CHAF1A: variants seen among roughly 807,000 people sequenced by gnomAD.
CHAF1A encodes chromatin assembly factor 1 subunit A.
In CHAF1A, 5 loss-of-function variants were observed where a neutral mutation model predicts 93.2. The observed-to-expected ratio is 0.05, with a 90% CI of 0.03 to 0.11. The LOEUF (loss-of-function observed/expected upper bound fraction) is 0.11, where lower values mean the gene tolerates loss of function less well. CHAF1A is among the 10% of genes least tolerant of loss of function. The pLI, the probability that CHAF1A is intolerant of heterozygous loss-of-function variation, is 1.00. For missense variants in CHAF1A, 1,102 were observed against 1,259.9 expected, an observed-to-expected ratio of 0.87 and a Z score of 1.90; for synonymous variants, 504 against 510.3, an observed-to-expected ratio of 0.99 and a Z score of 0.17.
chr19:4,448,492 G>A (rs2145176233), downstream of CHAF1A: 3 of 1,221,528 alleles, frequency 2.5e-6, no homozygotes, highest in Non-Finnish European at 3.5e-6. Flanking sequence ...GGTAACAGGG[G>A]CAGGAAAAGG....
chr19:4,438,971 G>A (rs1426623923), intron 13 of CHAF1A, among the ~76,000 whole-genome samples: 1 of 151,530 alleles, frequency 6.6e-6, no homozygotes, highest in East Asian at 1.9e-4. Context: ...AACAGAGCGG[G>A]ATTCTGTCTC....
Position 4,432,196 on chromosome 19 carries a change from G to C in CHAF1A, c.2192G>C (p.Arg731Thr), listed in dbSNP as rs139131679. The change falls in exon 12 of 15, where the codon AGA becomes ACA. Residue 731 changes from arginine (R) to threonine (T), a missense_variant. Arg to Thr is a moderately conservative substitution (Grantham distance 71, BLOSUM62 -1). Transcript: ENST00000301280. The part of the protein sequence containing the change: ...QTPKASKRER[R>T]DEQILAQLLP... ...CCCAAGGCCTCCAAGCGGGAGAGGA[G>C]AGACGAGCAGAGTGAGTGTGGGCGG... is the stretch of plus-strand genomic sequence containing the variant. The C allele has an allele frequency of 3.5e-5, 56 of 1,605,174 alleles. No individual in the cohort carries two copies. The highest frequency in any genetic ancestry group is 4.5e-5 in the Non-Finnish European group (53 of 1,175,414).
downstream of CHAF1A, chr19:4,447,361 C>T (rs945609714): frequency 1.5e-5 from 9 of 615,344 alleles, no homozygotes; most frequent in African/African-American, 7.3e-5. Context: ...TTGGGGTGAC[C>T]GGTGCATAAA....
chr19:4,409,417 C>T lies in CHAF1A; in HGVS notation c.618C>T (p.Ser206=). ...ACTCCCAGGAATGTTCGCCACGGAG[C>T]TGCCCGGAGCTGACGAGTGGCCCGA... ...RGDSQECSPR[S]CPELTSGPRM... is the part of the protein sequence containing the mutation. Residue 206 remains serine (S), a synonymous_variant, in exon 3 of 15, where the codon AGC becomes AGT. Transcript: ENST00000301280. 1 of 1,614,128 alleles carries T rather than the reference C, an allele frequency of 6.2e-7. No homozygotes were observed. The highest frequency in any genetic ancestry group is 1.3e-5 in the African/African-American group (1 of 75,036).
At chr19:4,408,338 G>A (rs243344) in intron 2 of CHAF1A, among the ~76,000 whole-genome samples, 14 of 151,382 alleles carry the variant, frequency 9.2e-5, no homozygotes, top group African/African-American at 2.2e-4. Context: ...GAATGCAGGC[G>A]CCCGCCACCT....
chr19:4,442,157 C>G lies in CHAF1A; in HGVS notation c.2674-88C>G. 3 of 1,048,022 alleles carry G rather than the reference C, an allele frequency of 2.9e-6. 1 individual carries two copies. Among genetic ancestry groups the G allele is most frequent in the Non-Finnish European group, 4.4e-6 (3 of 675,704 alleles). The allele number at this position is 1,048,022 out of a possible 1,614,324, so 64.9% of individuals were successfully genotyped here. A position where few individuals can be genotyped will look rare whatever the true frequency, so the allele number is the denominator to read the frequency against. On this transcript the variant is annotated intron_variant, in intron 13 of 14. Coordinates refer to ENST00000301280, the MANE Select transcript of CHAF1A (RefSeq NM_005483.3). ...CGTGTTGGGGGTGGGAGGAAGGTGT[C>G]ACACCTGTGGAGTTCCCCCCGCTAC...
chr19:4,406,919 T>C (rs1020474216), intron 2 of CHAF1A, among the ~76,000 whole-genome samples: 2 of 152,022 alleles, frequency 1.3e-5, no homozygotes, highest in African/African-American at 4.8e-5. Flanking sequence ...AGGAAGACTC[T>C]GTCTCTTGAA....
chr19:4,438,746 G>T (rs1974332930), intron 13 of CHAF1A, among the ~76,000 whole-genome samples: 1 of 152,144 alleles, frequency 6.6e-6, no homozygotes, highest in Non-Finnish European at 1.5e-5. Context: ...CACTTTGGGA[G>T]GCCGAGGTGG....
At chr19:4,445,360 A>G (rs898352601), downstream of CHAF1A, 5 of 1,429,576 alleles carry the variant, frequency 3.5e-6, no homozygotes. Context: ...CCACAGCTCC[A>G]CGGCTGGCGC....
chr19:4,422,224 G>A lies in CHAF1A; in HGVS notation c.1018-342G>A, dbSNP rs1349189347. Among the ~76,000 whole-genome samples the A allele has an allele frequency of 2.3e-4, 35 of 152,058 alleles. No individual in the cohort carries two copies. The highest frequency in any genetic ancestry group is 2.3e-3 in the Admixed American group (35 of 15,250). Reference sequence around the variant, plus strand: ...AGATGGGGTTTCACCATCTTGGCCAGGCTGGTCTCGAACTCCTGACCTCAG... The same window carrying A: ...AGATGGGGTTTCACCATCTTGGCCAAGCTGGTCTCGAACTCCTGACCTCAG... On this transcript the variant is annotated intron_variant, in intron 4 of 14. Transcript: ENST00000301280. This position sits in a 1 kb window ranked among gnomAD's most constrained non-coding sequence, Gnocchi z 4.6.
Position 4,407,495 on chromosome 19 carries a change from A to G in CHAF1A, c.104-1408A>G, listed in dbSNP as rs577353474. On this transcript the variant is annotated intron_variant, in intron 2 of 14. Transcript: ENST00000301280. ...AAAAACCCTGTCCACAAATGTGTCT[A>G]TATTTTCTACTTGAGAACCAGATGC... Among the ~76,000 whole-genome samples, 12 of 152,132 alleles carry G rather than the reference A, an allele frequency of 7.9e-5. No homozygotes were observed. In the South Asian group the frequency reaches 1.0e-3, roughly 13 times the overall value.
chr19:4,423,929 T>G, intron 7 of CHAF1A, 55 bp downstream of exon 7: 1 of 1,539,236 alleles, frequency 6.5e-7, no homozygotes. Context: ...ACTTTTCCTT[T>G]CTGAAAGTGA....
At chr19:4,436,000 A>G (rs1043524050) in intron 13 of CHAF1A, among the ~76,000 whole-genome samples, 2 of 152,090 alleles carry the variant, frequency 1.3e-5, no homozygotes, top group Non-Finnish European at 1.5e-5. Flanking sequence ...TTAGCTGGGC[A>G]TGGTGGCAGG....
chr19:4,417,772 C>T (rs2145093316), intron 3 of CHAF1A, among the ~76,000 whole-genome samples: 1 of 152,134 alleles, frequency 6.6e-6, no homozygotes, highest in Admixed American at 6.5e-5. Context: ...TGTCTGTTGC[C>T]TTTATTTCTG....
chr19:4,418,409 C>CTTTT (rs10549561), intron 4 of CHAF1A, among the ~76,000 whole-genome samples: 7 of 107,080 alleles, frequency 6.5e-5, no homozygotes, highest in East Asian at 2.9e-4. Context: ...AGTCCTGTCT[C>CTTTT]TTTTTTTTTT....
chr19:4,434,749 G>C (rs940021621), intron 13 of CHAF1A, among the ~76,000 whole-genome samples: 1 of 152,066 alleles, frequency 6.6e-6, no homozygotes, highest in African/African-American at 2.4e-5. Flanking sequence ...TTCAAGCACA[G>C]TTATTAAGCA....
downstream of CHAF1A, chr19:4,446,020 C>T: frequency 6.3e-7 from 1 of 1,591,162 alleles, no homozygotes; most frequent in Non-Finnish European, 8.6e-7. Context: ...GGCATCGGGT[C>T]AGCGGTGCTC....
chr19:4,416,919 C>A (rs550113416), intron 3 of CHAF1A, among the ~76,000 whole-genome samples: 1 of 152,086 alleles, frequency 6.6e-6, no homozygotes, highest in Non-Finnish European at 1.5e-5. Flanking sequence ...AAATAAAAAG[C>A]AGAGTTGAGC....
intron 3 of CHAF1A, among the ~76,000 whole-genome samples, chr19:4,412,005 T>G (rs1184736602): frequency 6.6e-6 from 1 of 151,952 alleles, no homozygotes; most frequent in Non-Finnish European, 1.5e-5. Flanking sequence ...GTCGTGGGGG[T>G]TTGTTGTACA....
Sources: gnomAD v4.1 joint callset for allele counts (sites outside exome capture counted in the v4.1 genomes callset) on GRCh38, gnomAD v4.1.1 for gene constraint, Gnocchi (gnomAD v3.1) non-coding constraint, MANE v1.5 for transcripts, NCBI Gene and HGNC (gene_info 2026-07-23, HGNC 2026-07-21) for gene names.